Variants in CTNND2 observed in about 807,000 individuals in gnomAD.
The protein encoded by CTNND2 is catenin delta 2, also known as catenin delta-2.
A neutral mutation model predicts 144.4 loss-of-function variants in CTNND2; 22 were observed. That is an observed-to-expected ratio of 0.15 (90% CI 0.11 to 0.22). The LOEUF is 0.22. Ranked by LOEUF, CTNND2 falls within the 10% of genes least tolerant of loss-of-function variation. The pLI, the probability that CTNND2 is intolerant of heterozygous loss-of-function variation, is 1.00. For missense variants in CTNND2, 1,353 were observed against 1,618.8 expected (o/e 0.84, Z 2.82); for synonymous variants, 751 against 695.6 (o/e 1.08, Z -1.25).
At chr5:11,382,515 T>C (rs1758590290) in intron 7 of CTNND2, among the ~76,000 whole-genome samples, 1 of 151,734 alleles carries the variant, frequency 6.6e-6, no homozygotes, top group Non-Finnish European at 1.5e-5. Context: ...GGAGAATCAC[T>C]TGAATCCAGG....
At chr5:11,334,924 A>C (rs1753585112) in intron 9 of CTNND2, among the ~76,000 whole-genome samples, 1 of 152,226 alleles carries the variant, frequency 6.6e-6, no homozygotes, top group African/African-American at 2.4e-5. Flanking sequence ...AATAATGAAA[A>C]AGTGAGGATA....
At chr5:11,886,065 C>T (rs1027194393) in intron 1 of CTNND2, among the ~76,000 whole-genome samples, 11 of 151,886 alleles carry the variant, frequency 7.2e-5, no homozygotes, top group South Asian at 2.1e-4. Context: ...TAAATGCCTA[C>T]ATCAAAAAAG....
chr5:10,982,841 T>C (rs1737460185), intron 20 of CTNND2, among the ~76,000 whole-genome samples: 1 of 152,200 alleles, frequency 6.6e-6, no homozygotes, highest in Non-Finnish European at 1.5e-5. Context: ...ATCCTGTCAC[T>C]TGCAGCAACG....
chr5:11,651,107 G>A (rs1385248203), intron 2 of CTNND2, among the ~76,000 whole-genome samples: 1 of 152,186 alleles, frequency 6.6e-6, no homozygotes, highest in African/African-American at 2.4e-5. Context: ...CAGGCCTGGA[G>A]GCATAGGCAG....
At chr5:11,844,943 G>GA (rs1794659127) in intron 1 of CTNND2, among the ~76,000 whole-genome samples, 1 of 152,134 alleles carries the variant, frequency 6.6e-6, no homozygotes, top group Non-Finnish European at 1.5e-5. Context: ...CTGACTGGCG[G>GA]AGGGGGGCAG....
In CTNND2 at chr5:11,589,065, G is replaced by A. The variant is rs1198615667; in HGVS notation, c.175-24009C>T. On this transcript the variant is annotated intron_variant, in intron 2 of 21. Coordinates refer to ENST00000304623, the MANE Select transcript of CTNND2 (RefSeq NM_001332.4). ...ACATATCAGAGATACCACAAGCCCA[G>A]TGGTTGCTGTCTTAAAAGAGAAAAG... 3 of 982,544 alleles carry A rather than the reference G, an allele frequency of 3.1e-6. No homozygotes were observed. In the African/African-American group the frequency reaches 5.2e-5, roughly 17 times the overall value. 60.9% of individuals were successfully genotyped at this position (982,544 alleles called of 1,614,324 possible). A position where few individuals can be genotyped will look rare whatever the true frequency, so the allele number is the denominator to read the frequency against.
Position 11,071,667 on chromosome 5 carries a change from G to A in CTNND2, c.2788+11029C>T, listed in dbSNP as rs142555655. The stretch of plus-strand genomic sequence containing the variant: ...ACTGGAGTACCTTGCAAAGGTAAGC[G>A]TGGCAGCAGTGATGTGGGAGGGGGG... On this transcript the variant is annotated intron_variant, in intron 16 of 21. Coordinates refer to ENST00000304623, the MANE Select transcript of CTNND2 (RefSeq NM_001332.4). 4.0e-3 allele frequency among the ~76,000 whole-genome samples: 601 copies of A among 151,988 alleles called. 3 individuals are homozygous for A. The highest frequency in any genetic ancestry group is 0.012 in the African/African-American group (502 of 41,322).
intron 2 of CTNND2, among the ~76,000 whole-genome samples, chr5:11,681,538 T>C (rs992695630): frequency 3.3e-5 from 5 of 152,190 alleles, no homozygotes; most frequent in Non-Finnish European, 7.3e-5. Flanking sequence ...TAAGAAATCC[T>C]GCTCTTGAGG....
chr5:11,037,380 C>T (rs1744200412), intron 16 of CTNND2, among the ~76,000 whole-genome samples: 1 of 152,176 alleles, frequency 6.6e-6, no homozygotes, highest in African/African-American at 2.4e-5. Flanking sequence ...AACATCACAA[C>T]AGCTCGATTA....
intron 16 of CTNND2, among the ~76,000 whole-genome samples, chr5:11,045,427 A>G (rs1317824645): frequency 6.6e-6 from 1 of 152,202 alleles, no homozygotes; most frequent in African/African-American, 2.4e-5. Flanking sequence ...AATATCGAAC[A>G]GAGTGATACT....
At chr5:11,188,617 TAAAA>T (rs1267991210) in intron 11 of CTNND2, among the ~76,000 whole-genome samples, 1 of 152,118 alleles carries the variant, frequency 6.6e-6, no homozygotes, top group Non-Finnish European at 1.5e-5. Context: ...TTAAAATAAA[TAAAA>T]TTTAAAAATT....
At chr5:10,990,455 C>G (rs990373525) in intron 19 of CTNND2, among the ~76,000 whole-genome samples, 13 of 152,160 alleles carry the variant, frequency 8.5e-5, no homozygotes, top group Admixed American at 5.9e-4. Context: ...CCTGCTGCCC[C>G]CTTCTCTTTG....
intron 1 of CTNND2, among the ~76,000 whole-genome samples, chr5:11,791,325 T>C (rs891484800): frequency 2.0e-5 from 3 of 152,110 alleles, no homozygotes; most frequent in Admixed American, 6.6e-5. Flanking sequence ...TGAAATAACT[T>C]AGAGGTTCAG....
chr5:11,326,129 C>T (rs1342385775), intron 9 of CTNND2, among the ~76,000 whole-genome samples: 2 of 152,176 alleles, frequency 1.3e-5, no homozygotes, highest in African/African-American at 4.8e-5. Flanking sequence ...ATTCCTGTTC[C>T]TTTTACCCCT....
At chr5:11,392,671 A>G (rs1003934722) in intron 6 of CTNND2, among the ~76,000 whole-genome samples, 2 of 152,374 alleles carry the variant, frequency 1.3e-5, no homozygotes, top group South Asian at 4.1e-4. Flanking sequence ...AGGGATTCAC[A>G]ACAGAGAGTC....
At chr5:11,213,945 T>C (rs965719855) in intron 10 of CTNND2, among the ~76,000 whole-genome samples, 7 of 152,166 alleles carry the variant, frequency 4.6e-5, no homozygotes, top group Non-Finnish European at 8.8e-5. Flanking sequence ...CTCACCAAAA[T>C]GGGATTCATT....
intron 9 of CTNND2, among the ~76,000 whole-genome samples, chr5:11,334,715 TA>T (rs1753561853): frequency 6.6e-6 from 1 of 152,182 alleles, no homozygotes; most frequent in African/African-American, 2.4e-5. Context: ...AGCAGATAGA[TA>T]GGGTAGATGG....
intron 1 of CTNND2, among the ~76,000 whole-genome samples, chr5:11,870,823 A>C (rs1188368109): frequency 3.3e-5 from 5 of 152,212 alleles, no homozygotes; most frequent in African/African-American, 1.2e-4. Flanking sequence ...GCAGAGGACA[A>C]ACTTATTACC....
intron 3 of CTNND2, among the ~76,000 whole-genome samples, chr5:11,421,470 A>C (rs1762358897): frequency 6.6e-6 from 1 of 152,142 alleles, no homozygotes; most frequent in African/African-American, 2.4e-5. Flanking sequence ...CCCCACTTTG[A>C]GGGGGACCGG....
Sources: gnomAD v4.1 joint callset for allele counts (sites outside exome capture counted in the v4.1 genomes callset) on GRCh38, gnomAD v4.1.1 for gene constraint, MANE v1.5 for transcripts, NCBI Gene and HGNC (gene_info 2026-07-23, HGNC 2026-07-21) for gene names.